GBE1: variants seen among roughly 807,000 people sequenced by gnomAD.
GBE1 encodes 1,4-alpha-glucan branching enzyme 1, also known as 1,4-alpha-glucan-branching enzyme.
In GBE1, 70 loss-of-function variants were observed where a neutral mutation model predicts 88.8. The observed-to-expected ratio is 0.79, with a 90% CI of 0.65 to 0.96. The LOEUF (loss-of-function observed/expected upper bound fraction) is 0.96, where lower values mean the gene tolerates loss of function less well. GBE1 is among the 40% of genes least tolerant of loss of function. The probability of loss-of-function intolerance (pLI) is 0.00; values close to 1 mark genes in which losing one functional copy is unlikely to be tolerated. For missense variants in GBE1, 872 were observed against 871.0 expected (o/e 1.00, Z -0.01); for synonymous variants, 284 against 300.1 (o/e 0.95, Z 0.56).
At chr3:81,582,799 TA>T (rs1477621058) in intron 10 of GBE1, among the ~76,000 whole-genome samples, 1 of 151,930 alleles carries the variant, frequency 6.6e-6, no homozygotes, top group African/African-American at 2.4e-5. Context: ...AAACATTTAG[TA>T]AAAACCATAA....
intron 7 of GBE1, among the ~76,000 whole-genome samples, chr3:81,627,476 G>A (rs1480334340): frequency 6.6e-6 from 1 of 152,004 alleles, no homozygotes; most frequent in Non-Finnish European, 1.5e-5. Flanking sequence ...ATACTCACAT[G>A]GAAGAGAACA....
chr3:81,563,310 A>C (rs961989268), intron 12 of GBE1, among the ~76,000 whole-genome samples: 1 of 152,128 alleles, frequency 6.6e-6, no homozygotes, highest in African/African-American at 2.4e-5. Flanking sequence ...GAAAGGCGAG[A>C]ATTAGTGAAG....
At chr3:81,682,910 G>A (rs1443314690) in intron 2 of GBE1, among the ~76,000 whole-genome samples, 4 of 152,124 alleles carry the variant, frequency 2.6e-5, no homozygotes, top group African/African-American at 9.7e-5. Context: ...AGTATTATTT[G>A]GTCATTAATA....
rs904727937 is a variant in GBE1 at position 81,492,093 on chromosome 3, C to T, written c.2053-1630G>A. Reference sequence around the variant, plus strand: ...CAAAAGATTAACAAATGCCAGCAGTCGCTGTGTAACTCAATGTCTCATGTT... The same window carrying T: ...CAAAAGATTAACAAATGCCAGCAGTTGCTGTGTAACTCAATGTCTCATGTT... On this transcript the variant is annotated intron_variant, in intron 15 of 15. Transcript: ENST00000429644. Among the ~76,000 whole-genome samples the T allele has an allele frequency of 2.6e-5, 4 of 152,294 alleles. No individual in the cohort carries two copies. In the East Asian group the frequency reaches 5.8e-4, roughly 22 times the overall value.
At chr3:81,654,812 G>A (rs961542919) in intron 3 of GBE1, 6 of 151,984 alleles carry the variant, frequency 3.9e-5, no homozygotes, top group African/African-American at 1.5e-4. Flanking sequence ...CAGCTTTATT[G>A]AGTTATAATT....
chr3:81,578,884 T>C (rs1320504635), intron 11 of GBE1, among the ~76,000 whole-genome samples: 1 of 152,116 alleles, frequency 6.6e-6, no homozygotes, highest in African/African-American at 2.4e-5. Context: ...TCTTTTCATT[T>C]TCTAGAAAAG....
intron 1 of GBE1, among the ~76,000 whole-genome samples, chr3:81,719,731 A>G (rs1254747882): frequency 1.3e-5 from 2 of 152,214 alleles, no homozygotes; most frequent in African/African-American, 4.8e-5. Context: ...CAGAGATATA[A>G]GAATTTATAT....
At chr3:81,705,124 A>C (rs1705755863) in intron 2 of GBE1, among the ~76,000 whole-genome samples, 1 of 152,090 alleles carries the variant, frequency 6.6e-6, no homozygotes, top group African/African-American at 2.4e-5. Flanking sequence ...CTGGATTGCT[A>C]TTGGTTTTGT....
At chr3:81,647,120 C>T (rs1704776859) in intron 5 of GBE1, among the ~76,000 whole-genome samples, 1 of 152,010 alleles carries the variant, frequency 6.6e-6, no homozygotes, top group Non-Finnish European at 1.5e-5. Flanking sequence ...CCATCCCTGG[C>T]TATTTTTTTG....
intron 9 of GBE1, among the ~76,000 whole-genome samples, chr3:81,590,718 A>G (rs759830800): frequency 9.9e-5 from 15 of 152,156 alleles, no homozygotes; most frequent in Non-Finnish European, 1.8e-4. Context: ...GACACACATT[A>G]ATATTCAATT....
At chr3:81,656,371 T>C (rs571737161) in intron 3 of GBE1, among the ~76,000 whole-genome samples, 70 of 152,260 alleles carry the variant, frequency 4.6e-4, no homozygotes, top group Admixed American at 2.0e-3. Context: ...AGCGAAGGAA[T>C]GCCAGCCACT....
chr3:81,560,321 C>T (rs1230790616), intron 12 of GBE1, among the ~76,000 whole-genome samples: 1 of 151,906 alleles, frequency 6.6e-6, no homozygotes, highest in Non-Finnish European at 1.5e-5. Context: ...GATAATGTTT[C>T]TTACTAAACT....
chr3:81,505,581 C>T (rs1702641943), intron 14 of GBE1, among the ~76,000 whole-genome samples: 2 of 152,250 alleles, frequency 1.3e-5, no homozygotes, highest in South Asian at 4.1e-4. Flanking sequence ...CCAAATTATG[C>T]CTACTTTATT....
At chr3:81,702,102 A>AGAGAGTGTGTGT (rs1468506890) in intron 2 of GBE1, among the ~76,000 whole-genome samples, 2 of 115,408 alleles carry the variant, frequency 1.7e-5, no homozygotes, top group Non-Finnish European at 3.9e-5. Flanking sequence ...AGAGAGAGAG[A>AGAGAGTGTGTGT]GTGTGTGTGT....
At chr3:81,498,094 T>C (rs531889186) in intron 15 of GBE1, among the ~76,000 whole-genome samples, 98 of 152,314 alleles carry the variant, frequency 6.4e-4, no homozygotes, top group Non-Finnish European at 9.6e-4. Flanking sequence ...GACTTTCCAC[T>C]GCACTTTCCT....
At chr3:81,601,271 C>T (rs1384151684) in intron 7 of GBE1, among the ~76,000 whole-genome samples, 1 of 152,124 alleles carries the variant, frequency 6.6e-6, no homozygotes. Flanking sequence ...GAAACTGAGG[C>T]TTAGAAAAGT....
intron 2 of GBE1, among the ~76,000 whole-genome samples, chr3:81,679,157 T>C (rs934724005): frequency 1.3e-5 from 2 of 152,082 alleles, no homozygotes; most frequent in African/African-American, 4.8e-5. Flanking sequence ...ATTTCTGTAA[T>C]AAAAAAATAA....
At chr3:81,748,632 C>T (rs376769425) in intron 1 of GBE1, among the ~76,000 whole-genome samples, 1 of 151,392 alleles carries the variant, frequency 6.6e-6, no homozygotes, top group Non-Finnish European at 1.5e-5. Flanking sequence ...ACAACAACAA[C>T]AAAAATTAAT....
intron 3 of GBE1, among the ~76,000 whole-genome samples, chr3:81,661,125 T>A (rs1195537452): frequency 3.3e-5 from 5 of 152,192 alleles, no homozygotes; most frequent in East Asian, 1.9e-4. Context: ...TTTTATTTTT[T>A]AAAAAAAGTA....
Sources: gnomAD v4.1 joint callset for allele counts (sites outside exome capture counted in the v4.1 genomes callset) on GRCh38, gnomAD v4.1.1 for gene constraint, MANE v1.5 for transcripts, NCBI Gene and HGNC (gene_info 2026-07-23, HGNC 2026-07-21) for gene names.